Variants in TUSC3 observed in about 807,000 individuals in gnomAD.
TUSC3 encodes tumor suppressor candidate 3, also known as dolichyl-diphosphooligosaccharide--protein glycosyltransferase subunit TUSC3.
Under a neutral mutation model 44.8 loss-of-function variants are expected in TUSC3, and 45 were observed. The observed-to-expected ratio is 1.00, with a 90% CI of 0.79 to 1.29. The LOEUF is 1.29. Among genes scored for constraint, TUSC3 ranks in the 50% most tolerant of loss-of-function variants. The pLI is 0.00. For synonymous variants in TUSC3, 212 were observed against 152.9 expected (o/e 1.39, Z -2.85); for missense variants, 519 against 437.9 (o/e 1.19, Z -1.65).
At chr8:15,468,715 C>T (rs914742204) in intron 1 of TUSC3, among the ~76,000 whole-genome samples, 1 of 151,954 alleles carries the variant, frequency 6.6e-6, no homozygotes, top group African/African-American at 2.4e-5. Flanking sequence ...AATACAGAAG[C>T]AGAGAAAAAT....
At chr8:15,548,644 A>G (rs1468754671) in intron 1 of TUSC3, among the ~76,000 whole-genome samples, 1 of 151,834 alleles carries the variant, frequency 6.6e-6, no homozygotes, top group African/African-American at 2.4e-5. Flanking sequence ...GTGAGTTAAT[A>G]ACCTTCCTTA....
Position 15,509,751 on chromosome 8 carries a change from C to G in TUSC3, n.189+26268C>G, listed in dbSNP as rs563228914. Among the ~76,000 whole-genome samples the G allele has an allele frequency of 9.2e-5, 14 of 152,304 alleles. No homozygotes were observed. The East Asian group carries it at 1.7e-3, about 19-fold the overall frequency. ...TCTAAATGCAGATGATTTTGAAGCT[C>G]ATATTACATCCCTATCCATTAACTG... is the stretch of plus-strand genomic sequence containing the variant. On this transcript the variant is annotated intron_variant and non_coding_transcript_variant, in intron 2 of 5. Transcript: ENST00000503191.
At chr8:15,628,699 T>C (rs575623250) in intron 2 of TUSC3, among the ~76,000 whole-genome samples, 2 of 152,348 alleles carry the variant, frequency 1.3e-5, no homozygotes, top group South Asian at 2.1e-4. Context: ...GCTTAACTAA[T>C]TGGATAACCA....
intron 10 of TUSC3, among the ~76,000 whole-genome samples, chr8:15,760,815 G>T (rs750360302): frequency 6.6e-6 from 1 of 152,172 alleles, no homozygotes; most frequent in Admixed American, 6.6e-5. Flanking sequence ...TAGCCATGCT[G>T]AACACAGCAC....
At chr8:15,501,482 A>T (rs1305653146) in intron 2 of TUSC3, among the ~76,000 whole-genome samples, 2 of 152,196 alleles carry the variant, frequency 1.3e-5, no homozygotes, top group Admixed American at 1.3e-4. Context: ...ATCTTAAATC[A>T]CTAGTGCCTA....
At position 15,764,219 on chromosome 8, in the gene TUSC3, A is replaced by T; in HGVS notation, c.*63A>T. The T allele has an allele frequency of 4.4e-6, 7 of 1,607,084 alleles. No individual in the cohort carries two copies. Among genetic ancestry groups the T allele is most frequent in the Non-Finnish European group, 6.0e-6 (7 of 1,174,836 alleles). On this transcript the variant is annotated 3_prime_UTR_variant, in exon 11 of 11. Transcript: ENST00000503731. The stretch of plus-strand genomic sequence containing the variant: ...CTTTTTCAGCTTTTTAATTAAATGA[A>T]GCCAAGTGGGATTTGCATAAAGTGA...
chr8:15,496,378 T>A (rs991915022), intron 2 of TUSC3, among the ~76,000 whole-genome samples: 6 of 152,182 alleles, frequency 3.9e-5, no homozygotes, highest in Non-Finnish European at 8.8e-5. Context: ...ATTTGTGCTG[T>A]CTCCTAGGGT....
At chr8:15,603,416 G>A (rs1034902088) in intron 1 of TUSC3, among the ~76,000 whole-genome samples, 5 of 151,578 alleles carry the variant, frequency 3.3e-5, no homozygotes, top group Non-Finnish European at 7.4e-5. Context: ...GCTGGTAGGA[G>A]TTAGTTTGGA....
intron 2 of TUSC3, among the ~76,000 whole-genome samples, chr8:15,642,026 A>AATATACCAG (rs1806395337): frequency 1.3e-5 from 2 of 152,196 alleles, no homozygotes; most frequent in African/African-American, 2.4e-5. Flanking sequence ...TGGGCTTTTT[A>AATATACCAG]ATATACCAGT....
intron 2 of TUSC3, among the ~76,000 whole-genome samples, chr8:15,623,756 C>G (rs1373377867): frequency 2.0e-5 from 3 of 151,958 alleles, no homozygotes; most frequent in Non-Finnish European, 4.4e-5. Context: ...CAAAAGTATA[C>G]AACAAACACT....
At chr8:15,574,203 C>G (rs1223410846) in intron 1 of TUSC3, among the ~76,000 whole-genome samples, 2 of 152,218 alleles carry the variant, frequency 1.3e-5, no homozygotes, top group Admixed American at 1.3e-4. Flanking sequence ...TTTATAGTAT[C>G]TCCCTAATTC....
intron 1 of TUSC3, among the ~76,000 whole-genome samples, chr8:15,595,409 C>T (rs1444887312): frequency 6.6e-6 from 1 of 152,124 alleles, no homozygotes. Flanking sequence ...GTCAGCTGGT[C>T]TCTGCCTGTA....
intron 1 of TUSC3, among the ~76,000 whole-genome samples, chr8:15,460,503 C>G (rs1420991610): frequency 6.6e-6 from 1 of 152,126 alleles, no homozygotes; most frequent in East Asian, 1.9e-4. Context: ...ACTCTGCTGA[C>G]TGTTCCTTTT....
intron 1 of TUSC3, among the ~76,000 whole-genome samples, chr8:15,425,694 T>C (rs1310553921): frequency 6.6e-6 from 1 of 152,208 alleles, no homozygotes; most frequent in Non-Finnish European, 1.5e-5. Flanking sequence ...TATATTATTC[T>C]CTACGTTTTA....
chr8:15,830,629 G>A, the TUSC3 span, among the ~76,000 whole-genome samples: 3 of 152,120 alleles, frequency 2.0e-5, no homozygotes, highest in East Asian at 1.9e-4. Context: ...AGAGGTGGAG[G>A]CCCTTATCCT....
At chr8:15,574,815 C>G (rs936196476) in intron 1 of TUSC3, among the ~76,000 whole-genome samples, 5 of 152,018 alleles carry the variant, frequency 3.3e-5, no homozygotes, top group Non-Finnish European at 7.4e-5. Flanking sequence ...GGGTTTTTAT[C>G]CAGGTGTAAA....
At chr8:15,791,253 C>T in the TUSC3 span, among the ~76,000 whole-genome samples, 1 of 149,962 alleles carries the variant, frequency 6.7e-6, no homozygotes, top group East Asian at 2.0e-4. Flanking sequence ...GCAAACTGGG[C>T]AACCAGCCTC....
intron 2 of TUSC3, among the ~76,000 whole-genome samples, chr8:15,638,563 G>T (rs1403198400): frequency 1.8e-5 from 2 of 110,988 alleles, no homozygotes; most frequent in Admixed American, 1.4e-4. Flanking sequence ...TCACTCTGTT[G>T]CCCATGCTGG....
the TUSC3 span, among the ~76,000 whole-genome samples, chr8:15,819,531 T>C: frequency 2.0e-5 from 3 of 152,212 alleles, no homozygotes; most frequent in African/African-American, 7.2e-5. Flanking sequence ...TCTACTAGAC[T>C]GTCCCCCTGA....
Sources: gnomAD v4.1 joint callset for allele counts (sites outside exome capture counted in the v4.1 genomes callset) on GRCh38, gnomAD v4.1.1 for gene constraint, MANE v1.5 for transcripts, NCBI Gene and HGNC (gene_info 2026-07-23, HGNC 2026-07-21) for gene names.